Variants in DPP9 observed in about 807,000 individuals in gnomAD.
DPP9 encodes dipeptidyl peptidase IV-related protein-2.
Under a neutral mutation model 110.7 loss-of-function variants are expected in DPP9, and 50 were observed. That is an observed-to-expected ratio of 0.45 (90% confidence interval 0.36 to 0.57). The LOEUF (loss-of-function observed/expected upper bound fraction) is 0.57. DPP9 is among the 20% of genes least tolerant of loss of function. The pLI is 0.00. For missense variants in DPP9, 1,022 were observed against 1,217.9 expected (o/e 0.84, Z 2.39); for synonymous variants, 561 against 514.4 (o/e 1.09, Z -1.23).
intron 2 of DPP9, chr19:4,722,245 G>A (rs2093354679): frequency 2.1e-6 from 1 of 478,132 alleles, no homozygotes; most frequent in Non-Finnish European, 3.7e-6. Flanking sequence ...AAATCCTGCT[G>A]AAATCAGCAC....
chr19:4,702,378 T>G (rs990843949), intron 8 of DPP9, among the ~76,000 whole-genome samples: 1 of 152,162 alleles, frequency 6.6e-6, no homozygotes, highest in Non-Finnish European at 1.5e-5. Context: ...ACTCCCAGCA[T>G]GAACTGGCAT....
chr19:4,693,109 C>T lies in DPP9; in HGVS notation c.1516+1552G>A, dbSNP rs532336764. 1.3e-5 allele frequency among the ~76,000 whole-genome samples: 2 copies of T among 152,290 alleles called. No homozygotes were observed. Among genetic ancestry groups the T allele is most frequent in the East Asian group, 3.9e-4 (2 of 5,180 alleles). ...GAGGGCACCGGACCACATCTAGGGA[C>T]ATCTGTGGTTGTCACAACTGGAGGT... On this transcript the variant is annotated intron_variant, in intron 13 of 21. Coordinates refer to ENST00000262960, the MANE Select transcript of DPP9 (RefSeq NM_139159.5). This position sits in a 1 kb window ranked among gnomAD's most constrained non-coding sequence, Gnocchi z 5.0.
chr19:4,704,106 G>C lies in DPP9; in HGVS notation c.600+25C>G, dbSNP rs759134609. 3.1e-5 allele frequency: 50 copies of C among 1,613,534 alleles called. No homozygotes were observed. The highest frequency in any genetic ancestry group is 5.3e-5 in the African/African-American group (4 of 74,928). ...GGGAGGGGCCCTCCACGCCACCCCC[G>C]CACACAGCCAGGGCCAGGGCTCACC... On this transcript the variant is annotated intron_variant, in intron 6 of 21. Coordinates refer to ENST00000262960, the MANE Select transcript of DPP9 (RefSeq NM_139159.5). This position sits in a 1 kb window ranked among gnomAD's most constrained non-coding sequence, Gnocchi z 6.0.
chr19:4,679,200 C>T (rs1356404199), intron 21 of DPP9: 2 of 152,522 alleles, frequency 1.3e-5, no homozygotes, highest in Non-Finnish European at 2.9e-5. Flanking sequence ...GGAAGCCCCA[C>T]CCACCGTAAC....
rs1380014152 is a variant in DPP9 at position 4,679,816 on chromosome 19, G to T, written c.2586+19C>A. 6.4e-7 allele frequency: 1 copy of T among 1,562,882 alleles called. No homozygotes were observed. Among genetic ancestry groups the T allele is most frequent in the Non-Finnish European group, 8.7e-7 (1 of 1,146,604 alleles). ...TCTGTCGGCTCGCGGAGGGGCCGAAGCCCCCAACAGCCACCCACCTGGAGC... is the reference window on the plus strand; with the variant it reads ...TCTGTCGGCTCGCGGAGGGGCCGAATCCCCCAACAGCCACCCACCTGGAGC... On this transcript the variant is annotated intron_variant, in intron 21 of 21. Transcript: ENST00000262960.
chr19:4,682,835 C>A lies in DPP9; in HGVS notation c.2335G>T (p.Ala779Ser), dbSNP rs1243762595. The change falls in exon 20 of 22, where the codon GCC becomes TCC. Residue 779 changes from alanine (A) to serine (S), a missense_variant. By Grantham distance (99) the Ala-to-Ser change is moderately conservative (BLOSUM62 1). Around this residue, in one of 3 missense-constraint regions of DPP9, gnomAD observed 209 missense variants for 280.4 expected, o/e 0.75. Coordinates refer to ENST00000262960, the MANE Select transcript of DPP9 (RefSeq NM_139159.5). This position sits in a 1 kb window ranked among gnomAD's most constrained non-coding sequence, Gnocchi z 7.1. ...LIHKPQVFKV[A>S]IAGAPVTVWM... is the part of the protein sequence containing the mutation. Reference sequence around the variant, plus strand: ...ACGGTGACCGGGGCACCCGCGATGGCCACCTGAGGGACACAGCAGACAGAT... The same window carrying A: ...ACGGTGACCGGGGCACCCGCGATGGACACCTGAGGGACACAGCAGACAGAT... 1.3e-6 allele frequency: 2 copies of A among 1,580,986 alleles called. No homozygotes were observed. The highest frequency in any genetic ancestry group is 1.7e-6 in the Non-Finnish European group (2 of 1,164,364).
rs1202897903 is a variant in DPP9 at position 4,700,530 on chromosome 19, G to C, written c.1013-253C>G. 6.6e-6 allele frequency among the ~76,000 whole-genome samples: 1 copy of C among 152,214 alleles called. No homozygotes were observed. Among genetic ancestry groups the C allele is most frequent in the Non-Finnish European group, 1.5e-5 (1 of 68,030 alleles). On this transcript the variant is annotated intron_variant, in intron 9 of 21. Coordinates refer to ENST00000262960, the MANE Select transcript of DPP9 (RefSeq NM_139159.5). The surrounding 1 kb of genome is among the most constrained non-coding windows in gnomAD (Gnocchi z 4.3). ...ATTCCCAACAGTGATGTGGCATCTG[G>C]CTTTCTCATTTAAAAACACGGGCCA... is the stretch of plus-strand genomic sequence containing the variant.
Position 4,716,791 on chromosome 19 carries a change from A to G in DPP9, c.57-2454T>C, listed in dbSNP as rs79831450. Among the ~76,000 whole-genome samples the G allele has an allele frequency of 3.3e-3, 507 of 152,242 alleles. 2 individuals carry two copies. Among genetic ancestry groups the G allele is most frequent in the African/African-American group, 0.012 (484 of 41,560 alleles). ...GCTCCCAATCAGAGCCGAGTGAATG[A>G]GCAAAAGGGGTTCAGTGGAGGCAGC... On this transcript the variant is annotated intron_variant, in intron 3 of 21. Coordinates refer to ENST00000262960, the MANE Select transcript of DPP9 (RefSeq NM_139159.5).
chr19:4,714,200 C>G lies in DPP9; in HGVS notation c.194G>C (p.Ser65Thr), dbSNP rs766602298. ...VQKHSWDGLR[S>T]IIHGSRKYSG... is the part of the protein sequence containing the mutation. ...GTACTTGCGGCTGCCGTGGATGATG[C>G]TCCGGAGCCCGTCCCACGAGTGCTT... The change falls in exon 4 of 22, where the codon AGC becomes ACC. Residue 65 changes from serine (S) to threonine (T), a missense_variant. Around this residue, in one of 3 missense-constraint regions of DPP9, gnomAD observed 810 missense variants for 920.6 expected, o/e 0.88. Coordinates refer to ENST00000262960, the MANE Select transcript of DPP9 (RefSeq NM_139159.5). The G allele has an allele frequency of 3.7e-6, 6 of 1,608,524 alleles. No individual in the cohort carries two copies. The highest frequency in any genetic ancestry group is 4.2e-6 in the Non-Finnish European group (5 of 1,177,804).
intron 3 of DPP9, chr19:4,719,626 C>T (rs1032307244): frequency 2.8e-5 from 17 of 598,358 alleles, no homozygotes; most frequent in Non-Finnish European, 4.4e-5. Flanking sequence ...CCTGGGATGG[C>T]CCCACCCCAG....
Position 4,683,571 on chromosome 19 carries a change from C to T in DPP9, c.2237G>A (p.Gly746Asp), listed in dbSNP as rs2090234985. 1 of 1,613,426 alleles carries T rather than the reference C, an allele frequency of 6.2e-7. No individual in the cohort carries two copies. The highest frequency in any genetic ancestry group is 8.5e-7 in the Non-Finnish European group (1 of 1,179,880). The change falls in exon 19 of 22, where the codon GGC becomes GAC. Residue 746 changes from glycine to aspartate, a missense_variant. By Grantham distance (94) the Gly-to-Asp change is moderately conservative. Transcript: ENST00000262960. ...GGCAACTCGGCTCAGGTCGATGAAG[C>T]CATACTTCTCGGCCACGAACTGCAG... The part of the protein sequence containing the change: ...EGLQFVAEKY[G>D]FIDLSRVAIH...
intron 14 of DPP9, 107 bp downstream of exon 14, chr19:4,690,769 GTA>G (rs2145528838): frequency 1.2e-6 from 1 of 867,014 alleles, no homozygotes; most frequent in Non-Finnish European, 1.9e-6. Flanking sequence ...GTGAGAATGA[GTA>G]TGTGTGTGAG....
At position 4,707,614 on chromosome 19, in the gene DPP9, CTTTTTTT is replaced by C. The variant is rs906371157; in HGVS notation, c.314-1651_314-1645del. The stretch of plus-strand genomic sequence containing the variant: ...TCTTTTCAGGACCTCCTCATACTCG[CTTTTTTT>C]TTTTTTTTTTTTTTTTTTTTCTGAG... On this transcript the variant is annotated intron_variant, in intron 4 of 21. Coordinates refer to ENST00000262960, the MANE Select transcript of DPP9 (RefSeq NM_139159.5). Among the ~76,000 whole-genome samples the C allele has an allele frequency of 2.3e-3, 179 of 78,410 alleles. 1 individual carries two copies. Among genetic ancestry groups the C allele is most frequent in the Non-Finnish European group, 3.3e-3 (142 of 42,398 alleles). 51.4% of individuals were successfully genotyped at this position (78,410 alleles called of 152,430 possible). A position where few individuals can be genotyped will look rare whatever the true frequency, so the allele number is the denominator to read the frequency against.
rs538484046 is a variant in DPP9, at chr19:4,703,528, C to T, written c.769+358G>A. 1.7e-4 allele frequency among the ~76,000 whole-genome samples: 25 copies of T among 151,406 alleles called. No individual in the cohort carries two copies. The South Asian group carries it at 3.6e-3, about 22-fold the overall frequency. On this transcript the variant is annotated intron_variant, in intron 7 of 21. Transcript: ENST00000262960. ...GCGGGCACCTGTAATCCCAGCTACT[C>T]GGGAGGCTGAGGCAGGAGAATCACT... is the stretch of plus-strand genomic sequence containing the variant.
At chr19:4,702,810 G>C (rs893131479) in intron 7 of DPP9, 94 bp from the exon 8 acceptor site, 15 of 432,990 alleles carry the variant, frequency 3.5e-5, no homozygotes, top group Non-Finnish European at 5.7e-5. Context: ...GAGAGAGGGA[G>C]AGAGAAGGAG....
intron 21 of DPP9, among the ~76,000 whole-genome samples, chr19:4,677,715 G>A (rs2089076778): frequency 6.6e-6 from 1 of 152,184 alleles, no homozygotes; most frequent in African/African-American, 2.4e-5. Context: ...ACTCCCTGGG[G>A]CAGACTCTGC....
In DPP9 at chr19:4,682,728, G is replaced by T. The variant is rs753823965; in HGVS notation, c.2442C>A (p.Ser814=). ...ENNQHGYEAG[S]VALHVEKLPN... is the part of the protein sequence containing the mutation. ...GCAGCTTCTCCACGTGCAGGGCCAC[G>T]GAACCCGCCTCATAGCCGTGCTGGT... is the stretch of plus-strand genomic sequence containing the variant. The change falls in exon 20 of 22, where the codon TCC becomes TCA. Residue 814 remains serine (S), a synonymous_variant. Coordinates refer to ENST00000262960, the MANE Select transcript of DPP9 (RefSeq NM_139159.5). The surrounding 1 kb of genome is among the most constrained non-coding windows in gnomAD (Gnocchi z 7.1). 1.2e-6 allele frequency: 2 copies of T among 1,609,408 alleles called. No homozygotes were observed. Among genetic ancestry groups the T allele is most frequent in the South Asian group, 2.2e-5 (2 of 90,030 alleles).
In DPP9 at chr19:4,700,047, C is replaced by A. The variant is rs116016098; in HGVS notation, c.1074+169G>T. Among the ~76,000 whole-genome samples, 2,561 of 152,282 alleles carry A rather than the reference C, an allele frequency of 0.017. 71 individuals are homozygous for A. The highest frequency in any genetic ancestry group is 0.059 in the African/African-American group (2,445 of 41,544). ...GCCACGCCGCATTCTAGGCACAGGT[C>A]CAGAGACACACAGGGAAGGCCTGTG... On this transcript the variant is annotated intron_variant, in intron 10 of 21. Coordinates refer to ENST00000262960, the MANE Select transcript of DPP9 (RefSeq NM_139159.5). This position sits in a 1 kb window ranked among gnomAD's most constrained non-coding sequence, Gnocchi z 4.3.
chr19:4,715,195 G>A (rs1001785173), intron 3 of DPP9, among the ~76,000 whole-genome samples: 54 of 151,656 alleles, frequency 3.6e-4, no homozygotes, highest in Middle Eastern at 3.4e-3. Context: ...AATGTTTTTT[G>A]TATTTTTAGT....
Sources: allele counts gnomAD v4.1 joint callset (sites outside exome capture counted in the v4.1 genomes callset), GRCh38; gene constraint gnomAD v4.1.1; regional missense constraint gnomAD v4.1.1; non-coding constraint Gnocchi (gnomAD v3.1); transcripts MANE v1.5; gene names NCBI Gene and HGNC (gene_info 2026-07-23, HGNC 2026-07-21).